Variants in CUX1 observed in about 807,000 individuals in gnomAD.
The protein encoded by CUX1 is cut like homeobox 1, also known as protein CASP.
Under a neutral mutation model 158.8 loss-of-function variants are expected in CUX1, and 31 were observed. The observed-to-expected ratio is 0.20, with a 90% CI of 0.15 to 0.26. The LOEUF (loss-of-function observed/expected upper bound fraction) is 0.26, where lower values mean the gene tolerates loss of function less well. Among genes scored for constraint, CUX1 ranks in the 10% least tolerant of loss-of-function variants. CUX1 has a pLI of 1.00. For missense variants in CUX1, 1,589 were observed against 2,014.6 expected, an observed-to-expected ratio of 0.79 and a Z score of 4.04; for synonymous variants, 879 against 862.1, an observed-to-expected ratio of 1.02 and a Z score of -0.34.
intron 5 of CUX1, among the ~76,000 whole-genome samples, chr7:102,103,816 A>C (rs898816088): frequency 6.6e-6 from 1 of 151,850 alleles, no homozygotes; most frequent in Non-Finnish European, 1.5e-5. Context: ...TATAGGCTAC[A>C]TGAGACGTTT....
chr7:101,855,259 A>G (rs1245191801), intron 1 of CUX1, among the ~76,000 whole-genome samples: 3 of 152,158 alleles, frequency 2.0e-5, no homozygotes, highest in Non-Finnish European at 4.4e-5. Flanking sequence ...CAGAGGCTCT[A>G]TCTCCTCCCA....
intron 9 of CUX1, among the ~76,000 whole-genome samples, chr7:102,162,046 TG>T (rs1790485894): frequency 6.6e-6 from 1 of 151,710 alleles, no homozygotes; most frequent in Admixed American, 6.6e-5. Context: ...TTCCTAATCT[TG>T]GGGTAGCAGG....
intron 1 of CUX1, among the ~76,000 whole-genome samples, chr7:101,836,613 G>T (rs1319730101): frequency 6.6e-6 from 1 of 150,960 alleles, no homozygotes; most frequent in Non-Finnish European, 1.5e-5. Flanking sequence ...AGGCCAAGGC[G>T]GGTGCATCAC....
At chr7:101,886,750 C>T (rs902372397) in intron 1 of CUX1, among the ~76,000 whole-genome samples, 1 of 152,184 alleles carries the variant, frequency 6.6e-6, no homozygotes, top group African/African-American at 2.4e-5. Context: ...ACCGCAGGCA[C>T]AAGGTGGGCC....
rs553948261 is a variant in CUX1 at position 101,844,633 on chromosome 7, C to T, written c.30+26964C>T. 8.6e-5 allele frequency among the ~76,000 whole-genome samples: 13 copies of T among 151,634 alleles called. No individual in the cohort carries two copies. In the South Asian group the frequency reaches 1.5e-3, roughly 17 times the overall value. Reference sequence around the variant, plus strand: ...TTCTTCTTTTTTCTTTTTGTTTTTCCGAGACAGTCTCTCTCTCTGTCGCCC... The same window carrying T: ...TTCTTCTTTTTTCTTTTTGTTTTTCTGAGACAGTCTCTCTCTCTGTCGCCC... On this transcript the variant is annotated intron_variant, in intron 1 of 23. Transcript: ENST00000292535.
intron 20 of CUX1, among the ~76,000 whole-genome samples, chr7:102,209,454 G>T (rs906234203): frequency 6.7e-6 from 1 of 149,908 alleles, no homozygotes; most frequent in Non-Finnish European, 1.5e-5. Flanking sequence ...TGAGCGGTAG[G>T]TTCCATGCCA....
intron 12 of CUX1, among the ~76,000 whole-genome samples, chr7:102,192,353 T>C (rs868950883): frequency 2.6e-5 from 4 of 152,204 alleles, no homozygotes; most frequent in African/African-American, 4.8e-5. Context: ...GTCTTGCCTA[T>C]TACCTGTAAT....
chr7:102,152,096 G>T (rs1282731356), intron 8 of CUX1, among the ~76,000 whole-genome samples: 11 of 152,122 alleles, frequency 7.2e-5, no homozygotes, highest in African/African-American at 2.2e-4. Context: ...TGTAGTCCCA[G>T]CTACTCGGGA....
At chr7:102,279,447 CT>C (rs1211550299) in intron 18 of CUX1, among the ~76,000 whole-genome samples, 2 of 152,236 alleles carry the variant, frequency 1.3e-5, no homozygotes, top group Non-Finnish European at 2.9e-5. Flanking sequence ...TTTTTCTGGG[CT>C]AGGGAGGCCT....
chr7:101,951,315 G>GGTGA (rs1340657329), intron 2 of CUX1, among the ~76,000 whole-genome samples: 2 of 151,506 alleles, frequency 1.3e-5, no homozygotes, highest in African/African-American at 4.9e-5. Flanking sequence ...TGGGTGATAG[G>GGTGA]GTGAGACACT....
At chr7:102,111,388 A>AT (rs1281692370) in intron 6 of CUX1, among the ~76,000 whole-genome samples, 47 of 148,824 alleles carry the variant, frequency 3.2e-4, no homozygotes, top group Admixed American at 9.4e-4. Flanking sequence ...CATGATGATG[A>AT]TTTTTTTTTT....
chr7:101,991,280 C>T (rs1815087212), intron 2 of CUX1, among the ~76,000 whole-genome samples: 1 of 152,212 alleles, frequency 6.6e-6, no homozygotes, highest in Non-Finnish European at 1.5e-5. Context: ...GGCAGCATAG[C>T]GGATGAGTTC....
chr7:102,034,543 A>G (rs982252528), intron 3 of CUX1, among the ~76,000 whole-genome samples: 5 of 151,958 alleles, frequency 3.3e-5, no homozygotes, highest in Non-Finnish European at 4.4e-5. Flanking sequence ...TCACAAGTTC[A>G]GGAGATCGAG....
chr7:101,986,803 CTGTAA>C (rs1814370531), intron 2 of CUX1, among the ~76,000 whole-genome samples: 1 of 152,200 alleles, frequency 6.6e-6, no homozygotes, highest in Admixed American at 6.5e-5. Flanking sequence ...TCTTTCTCCT[CTGTAA>C]TGTGAGACTG....
intron 8 of CUX1, among the ~76,000 whole-genome samples, chr7:102,143,529 T>C (rs1166054881): frequency 6.6e-6 from 1 of 152,168 alleles, no homozygotes; most frequent in Non-Finnish European, 1.5e-5. Flanking sequence ...CACCTTGGCC[T>C]CCCAAAGTGC....
At chr7:102,232,016 A>T (rs1554531022) in intron 21 of CUX1, among the ~76,000 whole-genome samples, 1 of 151,322 alleles carries the variant, frequency 6.6e-6, no homozygotes, top group African/African-American at 2.4e-5. Context: ...CCTGGCCAAA[A>T]TTTTCTTATA....
intron 2 of CUX1, among the ~76,000 whole-genome samples, chr7:101,934,838 A>G (rs1806727952): frequency 6.6e-6 from 1 of 152,056 alleles, no homozygotes; most frequent in African/African-American, 2.4e-5. Flanking sequence ...TCCCTTCCAA[A>G]GTAAACTTTC....
chr7:102,264,212 G>A (rs1790636491), intron 14 of CUX1, among the ~76,000 whole-genome samples: 1 of 151,332 alleles, frequency 6.6e-6, no homozygotes, highest in Admixed American at 6.6e-5. Context: ...CACCGTCTTG[G>A]CCAGGCTGGT....
In CUX1 at chr7:102,220,310, G is replaced by A. The variant is rs149199235; in HGVS notation, c.3131-7057G>A. 8.3e-4 allele frequency among the ~76,000 whole-genome samples: 127 copies of A among 152,316 alleles called. 3 individuals are homozygous for A. In the East Asian group the frequency reaches 0.019, roughly 22 times the overall value. On this transcript the variant is annotated intron_variant, in intron 20 of 23. Coordinates refer to ENST00000292535, the MANE Select transcript of CUX1 (RefSeq NM_181552.4). ...CGGGAGGCGGAGGTTGCAGTTAGCCGAGATTGCACCACTACACTCCAGCCT... is the reference window on the plus strand; with the variant it reads ...CGGGAGGCGGAGGTTGCAGTTAGCCAAGATTGCACCACTACACTCCAGCCT...
Sources: allele counts gnomAD v4.1 joint callset (sites outside exome capture counted in the v4.1 genomes callset), GRCh38; gene constraint gnomAD v4.1.1; transcripts MANE v1.5; gene names NCBI Gene and HGNC (gene_info 2026-07-23, HGNC 2026-07-21).